The following SNX13 variants were observed in gnomAD, a reference collection of about 807,000 sequenced individuals.
The protein encoded by SNX13 is sorting nexin 13, also known as sorting nexin-13.
A neutral mutation model predicts 133.6 loss-of-function variants in SNX13; 45 were observed. That is an observed-to-expected ratio of 0.34 (90% CI 0.27 to 0.43). SNX13 has a LOEUF of 0.43. SNX13 is among the 20% of genes least tolerant of loss of function. The pLI is 1.00. For synonymous variants in SNX13, 414 were observed against 373.9 expected (o/e 1.11, Z -1.24); for missense variants, 1,032 against 1,145.1 (o/e 0.90, Z 1.43).
chr7:17,814,925 A>G lies in SNX13; in HGVS notation c.1973T>C (p.Met658Thr), dbSNP rs552802025. The change falls in exon 20 of 26, where the codon ATG becomes ACG. Residue 658 changes from methionine (M) to threonine (T), a missense_variant. Coordinates refer to ENST00000428135, the MANE Select transcript of SNX13 (RefSeq NM_015132.5). ...AYLQLLLAPE[M>T]MKASPALAHY... ...AGCTAAAGCGGGGGATGCCTTCATC[A>G]TTTCAGGAGCTAACAGTAACTAACA... 6.7e-7 allele frequency: 1 copy of G among 1,490,526 alleles called. No homozygotes were observed. Among genetic ancestry groups the G allele is most frequent in the East Asian group, 2.7e-5 (1 of 37,146 alleles). The allele number at this position is 1,490,526 out of a possible 1,614,324, so 92.3% of individuals were successfully genotyped here. A position where few individuals can be genotyped will look rare whatever the true frequency, so the allele number is the denominator to read the frequency against.
chr7:17,805,248 T>TGCGTGCGCGCGC (rs1401213640), intron 20 of SNX13, among the ~76,000 whole-genome samples: 1 of 89,322 alleles, frequency 1.1e-5, no homozygotes, highest in Non-Finnish European at 2.6e-5. Context: ...TGTGTGTGTG[T>TGCGTGCGCGCGC]GTGCGTGCGC....
intron 20 of SNX13, among the ~76,000 whole-genome samples, chr7:17,810,033 G>A (rs113084053): frequency 5.3e-5 from 8 of 152,004 alleles, no homozygotes; most frequent in African/African-American, 1.4e-4. Context: ...ATCTAAAATC[G>A]ACACCCTAAC....
At chr7:17,800,738 C>T (rs895926275) in intron 22 of SNX13, among the ~76,000 whole-genome samples, 6 of 151,290 alleles carry the variant, frequency 4.0e-5, no homozygotes, top group African/African-American at 1.5e-4. Context: ...ACAGCTAAGC[C>T]AACAGAAAAA....
intron 1 of SNX13, among the ~76,000 whole-genome samples, chr7:17,939,355 G>A (rs1158153483): frequency 6.6e-6 from 1 of 152,218 alleles, no homozygotes; most frequent in South Asian, 2.1e-4. Context: ...GAAAGGCTTC[G>A]AAAAAGGTAT....
chr7:17,850,494 A>T lies in SNX13; in HGVS notation c.977-59T>A, dbSNP rs547681638. 6.1e-6 allele frequency: 6 copies of T among 986,816 alleles called. 1 individual carries two copies. The Admixed American group carries it at 1.8e-4, about 30-fold the overall frequency. 61.1% of individuals were successfully genotyped at this position (986,816 alleles called of 1,614,324 possible). Reference sequence around the variant, plus strand: ...TAGTGTTATTTATGAAATACTTTAAACATGCACTTACTGTAATTTAACAAA... The same window carrying T: ...TAGTGTTATTTATGAAATACTTTAATCATGCACTTACTGTAATTTAACAAA... On this transcript the variant is annotated intron_variant, in intron 10 of 25. Transcript: ENST00000428135.
chr7:17,912,995 A>T lies in SNX13; in HGVS notation c.13-15549T>A, dbSNP rs2714868. ...GACTCGCAGCCAGGGACAGCTCTGC[A>T]ACCTAAAACTGGTCTATGTGTGTCA... On this transcript the variant is annotated intron_variant, in intron 1 of 25. Transcript: ENST00000428135. 9.2e-5 allele frequency among the ~76,000 whole-genome samples: 14 copies of T among 151,742 alleles called. No individual in the cohort carries two copies. In the East Asian group the frequency reaches 9.8e-4, roughly 11 times the overall value.
Position 17,889,059 on chromosome 7 carries a change from T to C in SNX13, c.440+1304A>G, listed in dbSNP as rs543406280. The C allele has an allele frequency of 4.5e-5, 8 of 178,492 alleles. No individual in the cohort carries two copies. In the South Asian group the frequency reaches 8.2e-4, roughly 18 times the overall value. 11.1% of individuals were successfully genotyped at this position (178,492 alleles called of 1,614,324 possible). A position where few individuals can be genotyped will look rare whatever the true frequency, so the allele number is the denominator to read the frequency against. On this transcript the variant is annotated intron_variant, in intron 5 of 25. Transcript: ENST00000428135. ...AAGAAAAAAAAAGTCATCAGGATAG[T>C]GTTGCTATAGAAAGCAATAAAAAAT...
chr7:17,799,982 G>T (rs1432485195), intron 22 of SNX13, among the ~76,000 whole-genome samples: 1 of 151,628 alleles, frequency 6.6e-6, no homozygotes, highest in Admixed American at 6.6e-5. Context: ...ATTTTTCACT[G>T]TCACGTTACA....
At chr7:17,799,641 G>T (rs1048860549) in intron 22 of SNX13, among the ~76,000 whole-genome samples, 2 of 151,734 alleles carry the variant, frequency 1.3e-5, no homozygotes, top group African/African-American at 4.8e-5. Context: ...TCAGGAAAAA[G>T]ATGCTGAAGT....
chr7:17,814,917 C>A lies in SNX13; in HGVS notation c.1981G>T (p.Ala661Ser). 1.3e-6 allele frequency: 2 copies of A among 1,499,962 alleles called. No individual in the cohort carries two copies. Among genetic ancestry groups the A allele is most frequent in the Non-Finnish European group, 1.8e-6 (2 of 1,136,410 alleles). 92.9% of individuals were successfully genotyped at this position (1,499,962 alleles called of 1,614,324 possible). A position where few individuals can be genotyped will look rare whatever the true frequency, so the allele number is the denominator to read the frequency against. Residue 661 changes from alanine (A) to serine (S), a missense_variant, in exon 20 of 26, where the codon GCA becomes TCA. Transcript: ENST00000428135. ...ACATAGTGAGCTAAAGCGGGGGATG[C>A]CTTCATCATTTCAGGAGCTAACAGT... Reference protein sequence around the residue: ...QLLLAPEMMKASPALAHYVYD... With the variant: ...QLLLAPEMMKSSPALAHYVYD...
rs57618763 is a variant in SNX13, at chr7:17,877,045, G to GAA, written c.441-1257_441-1256dup. Among the ~76,000 whole-genome samples, 336 of 59,520 alleles carry GAA rather than the reference G, an allele frequency of 5.6e-3. 6 individuals are homozygous for GAA. Among genetic ancestry groups the GAA allele is most frequent in the African/African-American group, 8.3e-3 (159 of 19,052 alleles). The allele number at this position is 59,520 out of a possible 152,430, so 39.0% of individuals were successfully genotyped here. A position where few individuals can be genotyped will look rare whatever the true frequency, so the allele number is the denominator to read the frequency against. On this transcript the variant is annotated intron_variant, in intron 5 of 25. Coordinates refer to ENST00000428135, the MANE Select transcript of SNX13 (RefSeq NM_015132.5). ...GCTGACTTAATTACTGTTACTTTTT[G>GAA]AAAAAAAAAAAAAAAAAAAAAAAGC...
chr7:17,802,041 AT>A (rs1212243518), intron 21 of SNX13, among the ~76,000 whole-genome samples: 1 of 151,866 alleles, frequency 6.6e-6, no homozygotes, highest in Admixed American at 6.6e-5. Context: ...TTTTTACTGC[AT>A]TTTTTCTGTG....
chr7:17,875,308 A>C (rs1402589379), intron 7 of SNX13, among the ~76,000 whole-genome samples, 172 bp downstream of exon 7: 1 of 152,022 alleles, frequency 6.6e-6, no homozygotes, highest in African/African-American at 2.4e-5. Context: ...AAAGAAGAAA[A>C]CAGAATCTGG....
At chr7:17,829,743 T>C (rs1788274857) in intron 16 of SNX13, among the ~76,000 whole-genome samples, 1 of 151,230 alleles carries the variant, frequency 6.6e-6, no homozygotes, top group South Asian at 2.1e-4. Flanking sequence ...AATAATGAAA[T>C]CAATTTATTT....
chr7:17,803,595 G>T lies in SNX13; in HGVS notation c.2065-15C>A, dbSNP rs1346492978. The T allele has an allele frequency of 6.3e-7, 1 of 1,592,408 alleles. No individual in the cohort carries two copies. The highest frequency in any genetic ancestry group is 1.8e-5 in the Admixed American group (1 of 56,872). ...AAAGTGTCCATCTAAAGGGAAAAAA[G>T]ATATTATACCATGACTTTATTGTAC... On this transcript the variant is annotated splice_polypyrimidine_tract_variant and intron_variant, in intron 20 of 25. Transcript: ENST00000428135.
chr7:17,805,253 G>A (rs1383946792), intron 20 of SNX13, among the ~76,000 whole-genome samples: 2 of 119,528 alleles, frequency 1.7e-5, no homozygotes, highest in African/African-American at 3.5e-5. Flanking sequence ...GTGTGTGTGC[G>A]TGCGCGCGCG....
chr7:17,880,541 T>A lies in SNX13; in HGVS notation c.441-4751A>T, dbSNP rs1247702622. ...ACACTACAGACTAATTGTATCAGAT[T>A]TTCTGGAGGTGGGGTCCAGGTATCA... On this transcript the variant is annotated intron_variant, in intron 5 of 25. Transcript: ENST00000428135. The A allele has an allele frequency of 2.0e-5, 3 of 152,216 alleles. No homozygotes were observed. In the East Asian group the frequency reaches 5.8e-4, roughly 29 times the overall value. 9.4% of individuals were successfully genotyped at this position (152,216 alleles called of 1,614,324 possible).
chr7:17,938,466 A>G (rs956622522), intron 1 of SNX13, among the ~76,000 whole-genome samples: 1 of 152,188 alleles, frequency 6.6e-6, no homozygotes, highest in African/African-American at 2.4e-5. Context: ...GTACAATTTA[A>G]TCTGGGTCTT....
intron 1 of SNX13, among the ~76,000 whole-genome samples, chr7:17,929,879 T>G (rs1801192877): frequency 6.6e-6 from 1 of 152,172 alleles, no homozygotes; most frequent in African/African-American, 2.4e-5. Flanking sequence ...GGAAATGCAA[T>G]ACGTAAATTG....
Sources: gnomAD v4.1 joint callset for allele counts (sites outside exome capture counted in the v4.1 genomes callset) on GRCh38, gnomAD v4.1.1 for gene constraint, MANE v1.5 for transcripts, NCBI Gene and HGNC (gene_info 2026-07-23, HGNC 2026-07-21) for gene names.